The following OPCML variants were observed in gnomAD, a reference collection of about 807,000 sequenced individuals.
The protein encoded by OPCML is opioid-binding protein/cell adhesion molecule.
In OPCML, 13 loss-of-function variants were observed where a neutral mutation model predicts 37.8. The ratio of observed to expected loss-of-function variants is 0.34; its 90% CI spans 0.22 to 0.55. The LOEUF (loss-of-function observed/expected upper bound fraction) is 0.55, where lower values mean the gene tolerates loss of function less well. Among genes scored for constraint, OPCML ranks in the 20% least tolerant of loss-of-function variants. OPCML has a pLI of 0.91. For missense variants in OPCML, 341 were observed against 435.6 expected (o/e 0.78, Z 1.93); for synonymous variants, 176 against 168.8 (o/e 1.04, Z -0.33).
At chr11:132,447,652 C>CACT (rs2096058938) in intron 4 of OPCML, among the ~76,000 whole-genome samples, 1 of 152,130 alleles carries the variant, frequency 6.6e-6, no homozygotes, top group Non-Finnish European at 1.5e-5. Context: ...CTTTAAAGTA[C>CACT]ACTGGTCTGG....
intron 1 of OPCML, chr11:133,004,676 C>T (rs531137473): frequency 1.2e-5 from 12 of 985,460 alleles, no homozygotes; most frequent in Middle Eastern, 5.2e-4. Context: ...ACCATGCCCT[C>T]GCTCTCCTTC....
chr11:133,505,922 T>G (rs1041211790), intron 1 of OPCML, among the ~76,000 whole-genome samples: 1 of 152,202 alleles, frequency 6.6e-6, no homozygotes, highest in Non-Finnish European at 1.5e-5. Flanking sequence ...AGCTGAGGAC[T>G]AGGACCTATT....
chr11:132,975,962 G>T (rs937194734), intron 1 of OPCML, among the ~76,000 whole-genome samples: 3 of 152,080 alleles, frequency 2.0e-5, no homozygotes, highest in Non-Finnish European at 2.9e-5. Flanking sequence ...AGTAGAGACG[G>T]GGTTTCACCA....
At chr11:133,238,004 A>G (rs575209154) in intron 1 of OPCML, among the ~76,000 whole-genome samples, 5 of 152,228 alleles carry the variant, frequency 3.3e-5, no homozygotes, top group Non-Finnish European at 7.3e-5. Flanking sequence ...AATTCTTATA[A>G]AACTGTGACA....
At chr11:133,497,913 C>T (rs965339280) in intron 1 of OPCML, among the ~76,000 whole-genome samples, 1 of 152,196 alleles carries the variant, frequency 6.6e-6, no homozygotes, top group Admixed American at 6.5e-5. Context: ...GCAAGTGAAT[C>T]GAGAGACAGT....
At chr11:133,063,379 G>A (rs1258433162) in intron 1 of OPCML, among the ~76,000 whole-genome samples, 1 of 152,162 alleles carries the variant, frequency 6.6e-6, no homozygotes, top group African/African-American at 2.4e-5. Flanking sequence ...GCCACGTTGT[G>A]CTCTTAGAAA....
chr11:132,425,452 G>A (rs994753366), intron 7 of OPCML, among the ~76,000 whole-genome samples: 40 of 152,248 alleles, frequency 2.6e-4, no homozygotes, highest in Middle Eastern at 3.4e-3. Flanking sequence ...GGACAAGACC[G>A]CCGACTACTC....
chr11:133,325,125 G>C (rs920596545), intron 1 of OPCML, among the ~76,000 whole-genome samples: 2 of 152,194 alleles, frequency 1.3e-5, no homozygotes, highest in African/African-American at 2.4e-5. Flanking sequence ...GGGCCCCGTG[G>C]GCTGAGCCAC....
intron 3 of OPCML, among the ~76,000 whole-genome samples, chr11:132,632,135 A>T (rs75247471): frequency 0.021 from 1,888 of 91,950 alleles, 43 homozygotes; most frequent in African/African-American, 0.078. Context: ...GATCCAGCTT[A>T]AAAAAAAAAA....
At chr11:133,302,175 T>A (rs1303490566) in intron 1 of OPCML, 1 of 152,080 alleles carries the variant, frequency 6.6e-6, no homozygotes, top group Non-Finnish European at 1.5e-5. Context: ...CCCACCCAGA[T>A]CTCACCTTGA....
Position 132,601,307 on chromosome 11 carries a change from A to G in OPCML, c.379+55780T>C, listed in dbSNP as rs139311738. On this transcript the variant is annotated intron_variant, in intron 3 of 7. Transcript: ENST00000524381. ...CTTATTCTGCTCCAGGACTGTATAG[A>G]GCTCCCCATTTTGAAGCTCCACCTG... Among the ~76,000 whole-genome samples the G allele has an allele frequency of 4.0e-3, 615 of 152,040 alleles. 4 individuals carry two copies. Among genetic ancestry groups the G allele is most frequent in the African/African-American group, 0.014 (589 of 41,490 alleles).
intron 4 of OPCML, among the ~76,000 whole-genome samples, chr11:132,464,721 C>T (rs1462318193): frequency 1.3e-5 from 2 of 152,018 alleles, no homozygotes; most frequent in African/African-American, 2.4e-5. Flanking sequence ...TATTGATTAA[C>T]AATAAATTAA....
At chr11:133,479,117 C>T (rs190619066) in intron 1 of OPCML, among the ~76,000 whole-genome samples, 12 of 152,324 alleles carry the variant, frequency 7.9e-5, no homozygotes, top group East Asian at 5.8e-4. Flanking sequence ...CCACAGCAAG[C>T]GCTCTGCAAA....
At chr11:133,408,474 C>A (rs1050038233) in intron 1 of OPCML, among the ~76,000 whole-genome samples, 1 of 152,218 alleles carries the variant, frequency 6.6e-6, no homozygotes, top group African/African-American at 2.4e-5. Context: ...TTACTTTAGA[C>A]TTTACAACAT....
chr11:133,389,125 A>G (rs1437791506), intron 1 of OPCML, among the ~76,000 whole-genome samples: 1 of 152,214 alleles, frequency 6.6e-6, no homozygotes, highest in African/African-American at 2.4e-5. Flanking sequence ...TGTGTTAGAG[A>G]CAACAGCTTA....
At chr11:133,394,459 T>G (rs1214453882) in intron 1 of OPCML, among the ~76,000 whole-genome samples, 1 of 152,246 alleles carries the variant, frequency 6.6e-6, no homozygotes, top group Admixed American at 6.5e-5. Context: ...AAATTATTTT[T>G]GACTATAGTC....
At chr11:132,853,917 GTTAA>G (rs1941931262) in intron 2 of OPCML, among the ~76,000 whole-genome samples, 1 of 152,152 alleles carries the variant, frequency 6.6e-6, no homozygotes, top group African/African-American at 2.4e-5. Flanking sequence ...GTTAAATTGT[GTTAA>G]TTGTGTTCAA....
chr11:132,532,828 G>T (rs1364629103), intron 3 of OPCML, among the ~76,000 whole-genome samples: 1 of 152,126 alleles, frequency 6.6e-6, no homozygotes, highest in Non-Finnish European at 1.5e-5. Context: ...CATGCTGCTT[G>T]CCAAGGAAGG....
chr11:133,242,380 C>T (rs1471093218), intron 1 of OPCML, among the ~76,000 whole-genome samples: 1 of 152,180 alleles, frequency 6.6e-6, no homozygotes, highest in Non-Finnish European at 1.5e-5. Flanking sequence ...GCTCGGGCTG[C>T]TGAAACACAG....
Sources: allele counts gnomAD v4.1 joint callset (sites outside exome capture counted in the v4.1 genomes callset), GRCh38; gene constraint gnomAD v4.1.1; transcripts MANE v1.5; gene names NCBI Gene and HGNC (gene_info 2026-07-23, HGNC 2026-07-21).